The following TTC21B variants were observed in gnomAD, a reference collection of about 807,000 sequenced individuals.
TTC21B encodes the protein tetratricopeptide repeat domain 21B, also known as tetratricopeptide repeat protein 21B.
In TTC21B, 127 loss-of-function variants were observed where a neutral mutation model predicts 175.1. That is an observed-to-expected ratio of 0.73 (90% CI 0.63 to 0.84). The LOEUF is 0.84. TTC21B is among the 40% of genes least tolerant of loss of function. The pLI is 0.00. For synonymous variants in TTC21B, 524 were observed against 524.5 expected (o/e 1.00, Z 0.01); for missense variants, 1,561 against 1,558.3 (o/e 1.00, Z -0.03).
At chr2:165,908,294 T>C (rs1040170021) in intron 18 of TTC21B, among the ~76,000 whole-genome samples, 14 of 152,290 alleles carry the variant, frequency 9.2e-5, no homozygotes, top group Middle Eastern at 6.8e-3. Context: ...TACTTAACCA[T>C]TCTGCAGTTC....
chr2:165,903,304 G>A (rs1387154697), intron 19 of TTC21B, among the ~76,000 whole-genome samples: 3 of 152,190 alleles, frequency 2.0e-5, no homozygotes, highest in Admixed American at 2.0e-4. Context: ...TGGCTCATAG[G>A]CATTAGGAAT....
rs1408630122 is a variant in TTC21B at position 165,912,514 on chromosome 2, C to T, written c.2322G>A (p.Met774Ile). 1 of 1,609,576 alleles carries T rather than the reference C, an allele frequency of 6.2e-7. No individual in the cohort carries two copies. The highest frequency in any genetic ancestry group is 2.2e-5 in the East Asian group (1 of 44,844). Residue 774 changes from methionine to isoleucine, a missense_variant and splice_region_variant, in exon 17 of 29, where the codon ATG (methionine) becomes ATA (isoleucine). Coordinates refer to ENST00000243344, the MANE Select transcript of TTC21B (RefSeq NM_024753.5). ...ATATTTCAAACAATAAAGTACTTAC[C>T]ATTGAGTAGTTATGAGTTTTGATAA... ...KALIKTHNYS[M>I]AITYYEAALK...
chr2:165,930,020 A>G, intron 9 of TTC21B, 152 bp downstream of exon 9: 1 of 694,466 alleles, frequency 1.4e-6, no homozygotes, highest in Admixed American at 2.9e-5. Flanking sequence ...TGAATTAAAA[A>G]TTTTAAAGAC....
At position 165,883,939 on chromosome 2, in the gene TTC21B, A is replaced by G; in HGVS notation, c.3539T>C (p.Leu1180Pro). ...CCAATTCATTTTCGCAATACGCTTC[A>G]GCTGGTTTCTGGCTCGTGGAGTCTG... ...LKQTPRARNQ[L>P]KRIAKMNWNA... The change falls in exon 26 of 29, where the codon CTG (leucine) becomes CCG (proline). Residue 1180 changes from leucine to proline, a missense_variant. By Grantham distance (98) the Leu-to-Pro change is moderately conservative. Coordinates refer to ENST00000243344, the MANE Select transcript of TTC21B (RefSeq NM_024753.5). 6.2e-7 allele frequency: 1 copy of G among 1,614,150 alleles called. No homozygotes were observed. Among genetic ancestry groups the G allele is most frequent in the South Asian group, 1.1e-5 (1 of 91,082 alleles).
chr2:165,931,331 A>G (rs1404510975), intron 8 of TTC21B, among the ~76,000 whole-genome samples: 1 of 152,106 alleles, frequency 6.6e-6, no homozygotes, highest in Non-Finnish European at 1.5e-5. Flanking sequence ...CTGGGAGCTT[A>G]TAATAAAAAC....
chr2:165,950,044 C>T (rs1254093774), intron 1 of TTC21B, among the ~76,000 whole-genome samples: 2 of 96,828 alleles, frequency 2.1e-5, no homozygotes, highest in Non-Finnish European at 4.4e-5. Flanking sequence ...TTTTAGAAAA[C>T]AGAAAGGCAG....
At chr2:165,929,598 C>T in intron 10 of TTC21B, 52 bp downstream of exon 10, 1 of 1,304,104 alleles carries the variant, frequency 7.7e-7, no homozygotes, top group East Asian at 2.4e-5. Flanking sequence ...TTAATAATTT[C>T]ATATTTTATA....
At chr2:165,892,237 T>A (rs537336271) in intron 22 of TTC21B, among the ~76,000 whole-genome samples, 1 of 152,308 alleles carries the variant, frequency 6.6e-6, no homozygotes, top group East Asian at 1.9e-4. Context: ...GAACATGTTC[T>A]TAGGTTGAAT....
chr2:165,901,359 C>A (rs1216272409), intron 20 of TTC21B, among the ~76,000 whole-genome samples: 1 of 152,010 alleles, frequency 6.6e-6, no homozygotes, highest in Non-Finnish European at 1.5e-5. Flanking sequence ...CGCTCTGTTG[C>A]CCAGGCTGGA....
intron 8 of TTC21B, 118 bp from the exon 9 acceptor site, chr2:165,930,482 A>G: frequency 3.0e-6 from 2 of 656,316 alleles, no homozygotes; most frequent in Non-Finnish European, 4.7e-6. Context: ...TGAAAAAGAA[A>G]AAAATTAATA....
chr2:165,908,633 T>C (rs1288738429), intron 18 of TTC21B, among the ~76,000 whole-genome samples: 1 of 152,152 alleles, frequency 6.6e-6, no homozygotes, highest in African/African-American at 2.4e-5. Flanking sequence ...AAAATGGGTA[T>C]GATTATATTT....
At chr2:165,940,961 G>C (rs1220873878) in intron 6 of TTC21B, 66 bp downstream of exon 6, 2 of 1,573,002 alleles carry the variant, frequency 1.3e-6, no homozygotes, top group East Asian at 4.5e-5. Context: ...AAAATTCACA[G>C]ATGTCGCTTT....
chr2:165,916,830 T>A (rs142433729), intron 14 of TTC21B, among the ~76,000 whole-genome samples: 1 of 152,244 alleles, frequency 6.6e-6, no homozygotes, highest in Non-Finnish European at 1.5e-5. Context: ...GTAATGAAAA[T>A]TAAATTTTTC....
Position 165,915,359 on chromosome 2 carries a change from A to T in TTC21B, c.1980T>A (p.Asn660Lys). The change falls in exon 15 of 29, where the codon AAT (asparagine) becomes AAA (lysine). Residue 660 changes from asparagine (N) to lysine (K), a missense_variant. Physicochemically the swap from Asn to Lys is moderately conservative, Grantham distance 94. Transcript: ENST00000243344. The part of the protein sequence containing the change: ...TSEEVRVTIA[N>K]ADLALAQGDI... ...CTCCTTGGGCTAGAGCAAGGTCTGC[A>T]TTAGCAATGGTAACCCGCACTTCTT... The T allele has an allele frequency of 6.2e-7, 1 of 1,614,152 alleles. No individual in the cohort carries two copies. The highest frequency in any genetic ancestry group is 8.5e-7 in the Non-Finnish European group (1 of 1,179,986).
At chr2:165,891,115 C>T (rs976280718) in intron 22 of TTC21B, 127 bp from the exon 23 acceptor site, 29 of 840,842 alleles carry the variant, frequency 3.4e-5, no homozygotes, top group Non-Finnish European at 4.8e-5. Flanking sequence ...ATAAAAAATG[C>T]CTCAGGGTAT....
At chr2:165,908,019 T>G (rs1340925422) in intron 18 of TTC21B, among the ~76,000 whole-genome samples, 1 of 152,168 alleles carries the variant, frequency 6.6e-6, no homozygotes, top group East Asian at 1.9e-4. Context: ...ACTAGAGGCT[T>G]TTCTTAGACA....
intron 13 of TTC21B, among the ~76,000 whole-genome samples, chr2:165,918,065 C>T (rs1369554228): frequency 6.6e-6 from 1 of 152,142 alleles, no homozygotes; most frequent in East Asian, 1.9e-4. Flanking sequence ...GGAGAGGACT[C>T]AGAACGAGGT....
At chr2:165,900,984 C>G (rs1330308170) in intron 20 of TTC21B, among the ~76,000 whole-genome samples, 1 of 151,392 alleles carries the variant, frequency 6.6e-6, no homozygotes, top group Non-Finnish European at 1.5e-5. Context: ...TAACTGCAGC[C>G]TTGACCTTCT....
rs1684579694 is a variant in TTC21B at position 165,873,743 on chromosome 2, A to G, written c.*1012T>C. 6.6e-6 allele frequency: 1 copy of G among 152,182 alleles called. No homozygotes were observed. Among genetic ancestry groups the G allele is most frequent in the African/African-American group, 2.4e-5 (1 of 41,440 alleles). 9.4% of individuals were successfully genotyped at this position (152,182 alleles called of 1,614,324 possible). On this transcript the variant is annotated 3_prime_UTR_variant, in exon 29 of 29. Transcript: ENST00000243344. ...CAGGACCTGATTATTTCTTAAGACC[A>G]CAATGGCCTTGAAAGCAGGAAGAAT...
Sources: allele counts gnomAD v4.1 joint callset (sites outside exome capture counted in the v4.1 genomes callset), GRCh38; gene constraint gnomAD v4.1.1; transcripts MANE v1.5; gene names NCBI Gene and HGNC (gene_info 2026-07-23, HGNC 2026-07-21).